Variants in HECTD2 observed in about 807,000 individuals in gnomAD.
The protein encoded by HECTD2 is probable E3 ubiquitin-protein ligase HECTD2.
HECTD2 carries 35 observed loss-of-function variants against 103.2 expected under a neutral mutation model. The ratio of observed to expected loss-of-function variants is 0.34; its 90% CI spans 0.26 to 0.45. The LOEUF (loss-of-function observed/expected upper bound fraction) is 0.45, where lower values mean the gene tolerates loss of function less well. Among genes scored for constraint, HECTD2 ranks in the 20% least tolerant of loss-of-function variants. The probability of loss-of-function intolerance (pLI) is 1.00; values close to 1 mark genes in which losing one functional copy is unlikely to be tolerated. For synonymous variants in HECTD2, 281 were observed against 329.9 expected (o/e 0.85, Z 1.61); for missense variants, 596 against 937.4 (o/e 0.64, Z 4.76).
At chr10:91,495,290 T>A (rs1846625666) in intron 14 of HECTD2, among the ~76,000 whole-genome samples, 1 of 152,120 alleles carries the variant, frequency 6.6e-6, no homozygotes, top group East Asian at 1.9e-4. Flanking sequence ...GTTTTAAAAT[T>A]TCAGGACCAA....
chr10:91,467,569 A>G lies in HECTD2; in HGVS notation c.600+5385A>G, dbSNP rs548515030. Among the ~76,000 whole-genome samples the G allele has an allele frequency of 5.1e-4, 78 of 152,218 alleles. No individual in the cohort carries two copies. The South Asian group carries it at 0.016, about 31-fold the overall frequency. On this transcript the variant is annotated intron_variant, in intron 5 of 20. Coordinates refer to ENST00000298068, the MANE Select transcript of HECTD2 (RefSeq NM_182765.6). Reference sequence around the variant, plus strand: ...GGTACTTCCTGGGGCATAGCTCACCAGCAGACCACTCCTGACCATCGTAGG... The same window carrying G: ...GGTACTTCCTGGGGCATAGCTCACCGGCAGACCACTCCTGACCATCGTAGG...
At chr10:91,498,290 A>G (rs564574621) in intron 16 of HECTD2, 108 bp downstream of exon 16, 3 of 746,302 alleles carry the variant, frequency 4.0e-6, no homozygotes, top group Admixed American at 2.1e-5. Flanking sequence ...GGATTAACCA[A>G]TACATACAAT....
At chr10:91,429,807 T>C (rs1843755744) in intron 2 of HECTD2, among the ~76,000 whole-genome samples, 4 of 152,182 alleles carry the variant, frequency 2.6e-5, no homozygotes, top group Non-Finnish European at 5.9e-5. Flanking sequence ...CTATCAATTT[T>C]GTTGATCCTT....
In HECTD2 at chr10:91,491,922, A is replaced by T. The variant is rs1254493906; in HGVS notation, c.1300-430A>T. On this transcript the variant is annotated intron_variant, in intron 12 of 20. Coordinates refer to ENST00000298068, the MANE Select transcript of HECTD2 (RefSeq NM_182765.6). Reference sequence around the variant, plus strand: ...TACAATCAAAGCTCACTGCCGCCTCAAACTCCTGGTCTCAGGGTCTCAAGC... The same window carrying T: ...TACAATCAAAGCTCACTGCCGCCTCTAACTCCTGGTCTCAGGGTCTCAAGC... 2.0e-5 allele frequency among the ~76,000 whole-genome samples: 3 copies of T among 152,208 alleles called. No homozygotes were observed. In the East Asian group the frequency reaches 5.8e-4, roughly 29 times the overall value.
chr10:91,490,174 T>TAATA (rs1439879765), intron 11 of HECTD2, among the ~76,000 whole-genome samples: 1 of 152,214 alleles, frequency 6.6e-6, no homozygotes, highest in Non-Finnish European at 1.5e-5. Flanking sequence ...ATATTATCTT[T>TAATA]AAAAGACAAC....
At chr10:91,441,884 TGC>T (rs1274574252) in intron 2 of HECTD2, among the ~76,000 whole-genome samples, 19 of 144,934 alleles carry the variant, frequency 1.3e-4, no homozygotes, top group African/African-American at 5.0e-4. Context: ...TTGCAACCCT[TGC>T]TTTTTTTTTT....
intron 18 of HECTD2, among the ~76,000 whole-genome samples, 153 bp downstream of exon 18, chr10:91,499,303 C>G (rs1589546361): frequency 6.6e-6 from 1 of 152,202 alleles, no homozygotes; most frequent in South Asian, 2.1e-4. Context: ...ATAGTTCTCT[C>G]ATTTCAGTCT....
intron 2 of HECTD2, among the ~76,000 whole-genome samples, chr10:91,430,053 T>C (rs1843769850): frequency 6.6e-6 from 1 of 152,180 alleles, no homozygotes; most frequent in Non-Finnish European, 1.5e-5. Flanking sequence ...GCTTTGAATG[T>C]GTCCCAGAGA....
chr10:91,465,789 G>T (rs1845511064), intron 5 of HECTD2, among the ~76,000 whole-genome samples: 1 of 152,038 alleles, frequency 6.6e-6, no homozygotes, highest in Admixed American at 6.5e-5. Flanking sequence ...AATCACACTT[G>T]GTTGTGTTGT....
intron 5 of HECTD2, among the ~76,000 whole-genome samples, chr10:91,475,487 C>G (rs1845868418): frequency 6.6e-6 from 1 of 152,134 alleles, no homozygotes; most frequent in Non-Finnish European, 1.5e-5. Flanking sequence ...AAGGTTTGGA[C>G]AGAGAATTGA....
intron 20 of HECTD2, among the ~76,000 whole-genome samples, chr10:91,505,465 T>G (rs950261009): frequency 1.3e-4 from 20 of 151,636 alleles, no homozygotes; most frequent in Middle Eastern, 3.4e-3. Flanking sequence ...AAGGCAGGGG[T>G]TGCAATCCTA....
intron 20 of HECTD2, among the ~76,000 whole-genome samples, chr10:91,501,539 T>C (rs1221117734): frequency 6.6e-6 from 1 of 152,138 alleles, no homozygotes; most frequent in African/African-American, 2.4e-5. Context: ...AATAATTCAT[T>C]TCTAACAACT....
At chr10:91,473,319 TAAAAG>T (rs1160465899) in intron 5 of HECTD2, among the ~76,000 whole-genome samples, 4 of 152,106 alleles carry the variant, frequency 2.6e-5, no homozygotes, top group Admixed American at 1.3e-4. Flanking sequence ...TTCAAAATAC[TAAAAG>T]AAAAGAATAT....
At chr10:91,429,461 TC>T (rs1391804502) in intron 2 of HECTD2, among the ~76,000 whole-genome samples, 1 of 152,102 alleles carries the variant, frequency 6.6e-6, no homozygotes, top group Non-Finnish European at 1.5e-5. Flanking sequence ...TGGTACCAGT[TC>T]CTCCTTGTAC....
Position 91,487,899 on chromosome 10 carries a change from CGT to C in HECTD2, c.1191+124_1191+125del, listed in dbSNP as rs1482093585. 3.3e-6 allele frequency: 2 copies of C among 604,840 alleles called. No individual in the cohort carries two copies. The highest frequency in any genetic ancestry group is 3.7e-5 in the African/African-American group (2 of 53,828). The allele number at this position is 604,840 out of a possible 1,614,324, so 37.5% of individuals were successfully genotyped here. A position where few individuals can be genotyped will look rare whatever the true frequency, so the allele number is the denominator to read the frequency against. On this transcript the variant is annotated intron_variant, in intron 11 of 20. Transcript: ENST00000298068. The surrounding 1 kb of genome is among the most constrained non-coding windows in gnomAD (Gnocchi z 4.1). ...AATCAGGAATGTTAAAAGCAAAATT[CGT>C]GTTATACTCACCCAAAAAGTGCTTA... is the stretch of plus-strand genomic sequence containing the variant.
intron 2 of HECTD2, among the ~76,000 whole-genome samples, chr10:91,427,645 T>C (rs1180332357): frequency 6.6e-6 from 1 of 152,244 alleles, no homozygotes; most frequent in Non-Finnish European, 1.5e-5. Flanking sequence ...ATAAATGTCT[T>C]CTTTTGAGAA....
Position 91,461,240 on chromosome 10 carries a change from T to C in HECTD2, c.408-14T>C. ...TTTCTATATGTATATACGGTTAATG[T>C]GTTTTCATTTTAGGGAAGATGTAGA... On this transcript the variant is annotated splice_polypyrimidine_tract_variant and intron_variant, in intron 3 of 20. Transcript: ENST00000298068. The C allele has an allele frequency of 8.4e-7, 1 of 1,183,520 alleles. No homozygotes were observed. The highest frequency in any genetic ancestry group is 1.2e-6 in the Non-Finnish European group (1 of 819,794). The allele number at this position is 1,183,520 out of a possible 1,614,324, so 73.3% of individuals were successfully genotyped here.
intron 20 of HECTD2, among the ~76,000 whole-genome samples, chr10:91,504,931 G>A (rs1353561336): frequency 6.6e-6 from 1 of 152,154 alleles, no homozygotes; most frequent in African/African-American, 2.4e-5. Context: ...CGGATCTCTT[G>A]GCAGAAACCC....
At chr10:91,503,739 A>T (rs1238120774) in intron 20 of HECTD2, among the ~76,000 whole-genome samples, 9 of 152,326 alleles carry the variant, frequency 5.9e-5, no homozygotes, top group Middle Eastern at 3.4e-3. Context: ...TAGGTAAACG[A>T]AGCAGCCAGG....
Sources: allele counts gnomAD v4.1 joint callset (sites outside exome capture counted in the v4.1 genomes callset), GRCh38; gene constraint gnomAD v4.1.1; non-coding constraint Gnocchi (gnomAD v3.1); transcripts MANE v1.5; gene names NCBI Gene and HGNC (gene_info 2026-07-23, HGNC 2026-07-21).